The following CA10 variants were observed in gnomAD, a reference collection of about 807,000 sequenced individuals.
The protein encoded by CA10 is carbonic anhydrase-related protein 10.
A neutral mutation model predicts 44.2 loss-of-function variants in CA10; 14 were observed. The ratio of observed to expected loss-of-function variants is 0.32; its 90% CI spans 0.21 to 0.50. The LOEUF is 0.50. Among genes scored for constraint, CA10 ranks in the 20% least tolerant of loss-of-function variants. The pLI is 0.99. For synonymous variants in CA10, 159 were observed against 141.6 expected, an observed-to-expected ratio of 1.12 and a Z score of -0.87; for missense variants, 350 against 409.7, an observed-to-expected ratio of 0.85 and a Z score of 1.26.
At chr17:51,904,945 T>A (rs1209105611) in intron 3 of CA10, among the ~76,000 whole-genome samples, 1 of 152,154 alleles carries the variant, frequency 6.6e-6, no homozygotes, top group East Asian at 1.9e-4. Flanking sequence ...AGTTCACTTG[T>A]TACATTTTCA....
chr17:51,665,570 T>G (rs1266224230), intron 4 of CA10, among the ~76,000 whole-genome samples: 1 of 152,200 alleles, frequency 6.6e-6, no homozygotes, highest in Non-Finnish European at 1.5e-5. Context: ...AGAAATGTGT[T>G]ATTAGGTGAT....
At chr17:51,930,902 T>C in intron 3 of CA10, 88 bp downstream of exon 3, 1 of 1,485,124 alleles carries the variant, frequency 6.7e-7, no homozygotes, top group South Asian at 1.2e-5. Flanking sequence ...GACAAACTCA[T>C]CACAGAGACT....
chr17:52,158,026 G>A lies in CA10; in HGVS notation c.-240C>T, dbSNP rs773856353. The A allele has an allele frequency of 2.4e-5, 14 of 572,442 alleles. No homozygotes were observed. Among genetic ancestry groups the A allele is most frequent in the Non-Finnish European group, 1.9e-5 (6 of 318,682 alleles). The allele number at this position is 572,442 out of a possible 1,614,324, so 35.5% of individuals were successfully genotyped here. ...GCCCCAGATGTGCTGACACATGTCC[G>A]ATGCCTCGCTGCCTTGGAGGTCTCC... is the stretch of plus-strand genomic sequence containing the variant. On this transcript the variant is annotated 5_prime_UTR_variant, in exon 1 of 9. Coordinates refer to ENST00000451037, the MANE Select transcript of CA10 (RefSeq NM_020178.5).
At chr17:51,833,576 A>G (rs1467501032) in intron 3 of CA10, among the ~76,000 whole-genome samples, 2 of 152,230 alleles carry the variant, frequency 1.3e-5, no homozygotes, top group African/African-American at 4.8e-5. Context: ...CTACCTTTAA[A>G]ACACAGAGCT....
chr17:51,656,150 C>A (rs1057101064), intron 4 of CA10, among the ~76,000 whole-genome samples: 2 of 152,206 alleles, frequency 1.3e-5, no homozygotes, highest in Non-Finnish European at 2.9e-5. Context: ...TACAGGTGAC[C>A]AACAAAACTG....
intron 3 of CA10, among the ~76,000 whole-genome samples, chr17:51,877,177 C>T (rs1980118610): frequency 6.6e-6 from 1 of 152,206 alleles, no homozygotes; most frequent in Non-Finnish European, 1.5e-5. Flanking sequence ...CAACCACCTA[C>T]AGTCCAGATG....
chr17:51,929,514 A>G (rs1319851478), intron 3 of CA10, among the ~76,000 whole-genome samples: 1 of 152,222 alleles, frequency 6.6e-6, no homozygotes, highest in East Asian at 1.9e-4. Flanking sequence ...TCTGGAACTC[A>G]GGCACCAAAC....
At chr17:51,941,872 A>G (rs1247538754) in intron 2 of CA10, among the ~76,000 whole-genome samples, 1 of 152,164 alleles carries the variant, frequency 6.6e-6, no homozygotes, top group East Asian at 1.9e-4. Context: ...GATATCATGG[A>G]ATACATATGT....
chr17:52,024,936 G>GATATCATAT (rs1246064354), intron 2 of CA10, among the ~76,000 whole-genome samples: 1 of 151,484 alleles, frequency 6.6e-6, no homozygotes, highest in Non-Finnish European at 1.5e-5. Flanking sequence ...GAAGAAAGAG[G>GATATCATAT]ATATCATATA....
Position 51,653,668 on chromosome 17 carries a change from T to A in CA10, c.534A>T (p.Gly178=), listed in dbSNP as rs1393241698. The A allele has an allele frequency of 6.2e-7, 1 of 1,602,576 alleles. No individual in the cohort carries two copies. The highest frequency in any genetic ancestry group is 8.6e-7 in the Non-Finnish European group (1 of 1,169,502). The change falls in exon 5 of 9, where the codon GGA becomes GGT. Residue 178 remains glycine (G), a synonymous_variant. Coordinates refer to ENST00000451037, the MANE Select transcript of CA10 (RefSeq NM_020178.5). ...TTATAAATATAGAAACTACCACCAA[T>A]CCATTTGGACTCTTTGCAGCTTCTG... ...NVTEAAKSPN[G]LVVVSIFIKV...
chr17:52,072,451 G>T, intron 1 of CA10, 58 bp from the exon 2 acceptor site: 1 of 1,276,800 alleles, frequency 7.8e-7, no homozygotes, highest in Non-Finnish European at 1.1e-6. Flanking sequence ...CTGTGTCCCG[G>T]CTGTCCGAGT....
At chr17:51,718,705 G>A (rs577840137) in intron 4 of CA10, among the ~76,000 whole-genome samples, 3 of 152,144 alleles carry the variant, frequency 2.0e-5, no homozygotes, top group South Asian at 2.1e-4. Flanking sequence ...GGAAAACTAA[G>A]CCCTCCATCT....
intron 3 of CA10, among the ~76,000 whole-genome samples, chr17:51,807,635 G>A (rs977560167): frequency 8.5e-5 from 13 of 152,172 alleles, no homozygotes; most frequent in Non-Finnish European, 1.6e-4. Context: ...TAGAATGAGT[G>A]CTTACATTGC....
chr17:52,008,767 C>G (rs1985687882), intron 2 of CA10, among the ~76,000 whole-genome samples: 1 of 151,800 alleles, frequency 6.6e-6, no homozygotes, highest in South Asian at 2.1e-4. Context: ...ATGTATTGGG[C>G]TTCCTATCCA....
intron 1 of CA10, among the ~76,000 whole-genome samples, chr17:52,098,333 G>A (rs1358362119): frequency 6.6e-6 from 1 of 152,212 alleles, no homozygotes; most frequent in Non-Finnish European, 1.5e-5. Flanking sequence ...ATATGACTCA[G>A]AAGGCCTGGG....
chr17:51,773,074 T>C (rs1490178611), intron 3 of CA10, among the ~76,000 whole-genome samples: 2 of 152,216 alleles, frequency 1.3e-5, no homozygotes, highest in Admixed American at 6.5e-5. Flanking sequence ...TAGTTGCTTT[T>C]CTATTTCCTA....
chr17:52,107,201 G>A (rs1382973972), intron 1 of CA10, among the ~76,000 whole-genome samples: 2 of 152,128 alleles, frequency 1.3e-5, no homozygotes, highest in African/African-American at 4.8e-5. Flanking sequence ...TGCACCCCAT[G>A]TTAGAAGCCA....
In CA10 at chr17:51,856,750, T is replaced by C. The variant is rs188267720; in HGVS notation, c.279+74240A>G. Reference sequence around the variant, plus strand: ...GCAGAGTCCTAGGATGGAGGTATGATGAAAGGTTATCTGGAGGTCTGAGGA... The same window carrying C: ...GCAGAGTCCTAGGATGGAGGTATGACGAAAGGTTATCTGGAGGTCTGAGGA... On this transcript the variant is annotated intron_variant, in intron 3 of 8. Transcript: ENST00000451037. Among the ~76,000 whole-genome samples, 278 of 152,176 alleles carry C rather than the reference T, an allele frequency of 1.8e-3. 1 individual carries two copies. The highest frequency in any genetic ancestry group is 6.3e-3 in the African/African-American group (263 of 41,528).
intron 3 of CA10, among the ~76,000 whole-genome samples, chr17:51,874,956 TTTTCTTTTTTTTCTTTTCTTTTC>T (rs1387179883): frequency 9.0e-5 from 6 of 66,772 alleles, no homozygotes; most frequent in African/African-American, 1.8e-4. Context: ...TTCTGTTTTT[TTTTCTTTTTTTTCTTTTCTTTTC>T]TTTTCTTTTC....
Sources: gnomAD v4.1 joint callset for allele counts (sites outside exome capture counted in the v4.1 genomes callset) on GRCh38, gnomAD v4.1.1 for gene constraint, MANE v1.5 for transcripts, NCBI Gene and HGNC (gene_info 2026-07-23, HGNC 2026-07-21) for gene names.